SNTG1: variants seen among roughly 807,000 people sequenced by gnomAD.
SNTG1 encodes syntrophin gamma 1.
In SNTG1, 39 loss-of-function variants were observed where a neutral mutation model predicts 74.7. The observed-to-expected ratio is 0.52, with a 90% CI of 0.40 to 0.68. The LOEUF (loss-of-function observed/expected upper bound fraction) is 0.68. Ranked by LOEUF, SNTG1 falls within the 30% of genes least tolerant of loss-of-function variation. The pLI, the probability that SNTG1 is intolerant of heterozygous loss-of-function variation, is 0.00. For synonymous variants in SNTG1, 254 were observed against 217.1 expected (o/e 1.17, Z -1.49); for missense variants, 685 against 609.5 (o/e 1.12, Z -1.30).
chr8:50,603,524 A>G (rs1037536739), intron 13 of SNTG1, among the ~76,000 whole-genome samples: 3 of 151,712 alleles, frequency 2.0e-5, no homozygotes, highest in Non-Finnish European at 2.9e-5. Flanking sequence ...TGTCTTATTT[A>G]TTTTTTTTGG....
chr8:50,364,579 G>A (rs546947977), intron 2 of SNTG1, among the ~76,000 whole-genome samples: 22 of 151,980 alleles, frequency 1.4e-4, no homozygotes, highest in Admixed American at 9.2e-4. Flanking sequence ...TTATATCATA[G>A]CATTTTCTCT....
intron 4 of SNTG1, among the ~76,000 whole-genome samples, chr8:50,416,366 T>A (rs2093013767): frequency 6.6e-6 from 1 of 152,208 alleles, no homozygotes. Flanking sequence ...GTTACTTTCC[T>A]ATACAGTGGG....
intron 1 of SNTG1, among the ~76,000 whole-genome samples, chr8:50,064,966 A>G (rs1437310020): frequency 6.6e-6 from 1 of 152,180 alleles, no homozygotes; most frequent in East Asian, 1.9e-4. Flanking sequence ...TAAAATATGG[A>G]TTCCCTTGTA....
chr8:50,767,893 C>A (rs952871963), intron 18 of SNTG1, among the ~76,000 whole-genome samples: 1 of 151,942 alleles, frequency 6.6e-6, no homozygotes, highest in Non-Finnish European at 1.5e-5. Flanking sequence ...TAGCTTTATT[C>A]ATTGAATTTC....
intron 18 of SNTG1, among the ~76,000 whole-genome samples, chr8:50,788,611 T>G (rs1339874711): frequency 6.6e-6 from 1 of 151,896 alleles, no homozygotes; most frequent in Non-Finnish European, 1.5e-5. Context: ...CAGGCATAAA[T>G]GGGTTGAAAG....
At chr8:50,153,443 G>A (rs189435744) in intron 1 of SNTG1, among the ~76,000 whole-genome samples, 76 of 152,294 alleles carry the variant, frequency 5.0e-4, no homozygotes, top group African/African-American at 1.1e-3. Flanking sequence ...CACTGCTGGC[G>A]AGGAGCTGTG....
intron 13 of SNTG1, among the ~76,000 whole-genome samples, chr8:50,622,192 G>T (rs1171249705): frequency 6.6e-6 from 1 of 152,146 alleles, no homozygotes; most frequent in Admixed American, 6.5e-5. Flanking sequence ...ATTAAAAACT[G>T]CCAGTGGAAG....
chr8:50,372,392 C>A (rs193198869), intron 2 of SNTG1, among the ~76,000 whole-genome samples: 73 of 151,918 alleles, frequency 4.8e-4, no homozygotes, highest in Non-Finnish European at 1.0e-3. Context: ...TCCTTTACAT[C>A]TCTTCCTGTT....
chr8:49,941,019 C>A (rs374901438), intron 1 of SNTG1, among the ~76,000 whole-genome samples: 3 of 152,132 alleles, frequency 2.0e-5, no homozygotes, highest in Admixed American at 6.5e-5. Context: ...GAGATGGGAA[C>A]GTGGACTGGA....
At chr8:50,347,822 A>G (rs1301022721) in intron 2 of SNTG1, among the ~76,000 whole-genome samples, 1 of 152,234 alleles carries the variant, frequency 6.6e-6, no homozygotes, top group East Asian at 1.9e-4. Flanking sequence ...TTGCATGGGT[A>G]AGACATACGT....
intron 9 of SNTG1, among the ~76,000 whole-genome samples, chr8:50,504,834 T>A (rs1322796684): frequency 6.6e-6 from 1 of 152,196 alleles, no homozygotes; most frequent in Non-Finnish European, 1.5e-5. Flanking sequence ...AGCATGTTAT[T>A]TATTGTGGTA....
chr8:50,500,263 C>T (rs1421165342), intron 8 of SNTG1, among the ~76,000 whole-genome samples: 1 of 145,498 alleles, frequency 6.9e-6, no homozygotes, highest in Non-Finnish European at 1.5e-5. Context: ...CTCTATTGTT[C>T]AGATAGGGTG....
chr8:50,090,907 G>C (rs2079707285), intron 1 of SNTG1, among the ~76,000 whole-genome samples: 1 of 152,164 alleles, frequency 6.6e-6, no homozygotes, highest in South Asian at 2.1e-4. Flanking sequence ...CCACAATGGG[G>C]CCCTTGTTAA....
intron 13 of SNTG1, among the ~76,000 whole-genome samples, chr8:50,602,155 C>T (rs1049663738): frequency 6.6e-6 from 1 of 151,774 alleles, no homozygotes; most frequent in Non-Finnish European, 1.5e-5. Flanking sequence ...TCTTATTTTG[C>T]TATTTGTTTT....
chr8:50,469,800 G>A (rs148240063), intron 8 of SNTG1, among the ~76,000 whole-genome samples: 2,754 of 152,266 alleles, frequency 0.018, 97 homozygotes, highest in African/African-American at 0.063. Context: ...CCAACAGGGT[G>A]AAACCCCGTC....
intron 1 of SNTG1, among the ~76,000 whole-genome samples, chr8:50,096,055 T>C (rs1313639413): frequency 6.6e-6 from 1 of 152,178 alleles, no homozygotes; most frequent in East Asian, 1.9e-4. Flanking sequence ...TGCTAAAACC[T>C]GGAAATTGCA....
intron 12 of SNTG1, 27 bp downstream of exon 12, chr8:50,553,206 G>T (rs2094437364): frequency 6.2e-7 from 1 of 1,612,870 alleles, no homozygotes; most frequent in Admixed American, 1.7e-5. Context: ...GGAATACCTA[G>T]CCAGGGTTTC....
At chr8:50,146,657 C>A (rs1248150767) in intron 1 of SNTG1, among the ~76,000 whole-genome samples, 1 of 152,102 alleles carries the variant, frequency 6.6e-6, no homozygotes, top group Non-Finnish European at 1.5e-5. Flanking sequence ...GTATTGCAAC[C>A]AATTGTCAAT....
intron 12 of SNTG1, among the ~76,000 whole-genome samples, chr8:50,554,077 C>G (rs1023403762): frequency 1.3e-5 from 2 of 152,148 alleles, no homozygotes; most frequent in Non-Finnish European, 2.9e-5. Context: ...GTAAATGACC[C>G]TTCAGATCCA....
Sources: gnomAD v4.1 joint callset for allele counts (sites outside exome capture counted in the v4.1 genomes callset) on GRCh38, gnomAD v4.1.1 for gene constraint, MANE v1.5 for transcripts, NCBI Gene and HGNC (gene_info 2026-07-23, HGNC 2026-07-21) for gene names.